The following PPM1L variants were observed in gnomAD, a reference collection of about 807,000 sequenced individuals.
PPM1L encodes the protein protein phosphatase 1L.
In PPM1L, 13 loss-of-function variants were observed where a neutral mutation model predicts 31.4. The ratio of observed to expected loss-of-function variants is 0.41; its 90% CI spans 0.27 to 0.66. The LOEUF (loss-of-function observed/expected upper bound fraction) is 0.66, where lower values mean the gene tolerates loss of function less well. PPM1L is among the 30% of genes least tolerant of loss of function. The pLI is 0.29. For synonymous variants in PPM1L, 184 were observed against 175.4 expected, an observed-to-expected ratio of 1.05 and a Z score of -0.39; for missense variants, 326 against 453.7, an observed-to-expected ratio of 0.72 and a Z score of 2.56.
At chr3:160,785,873 A>C in intron 1 of PPM1L, among the ~76,000 whole-genome samples, 1 of 135,448 alleles carries the variant, frequency 7.4e-6, no homozygotes, top group Admixed American at 7.6e-5. Flanking sequence ...CCACATGTGT[A>C]TATTTTTAGA....
intron 1 of PPM1L, among the ~76,000 whole-genome samples, chr3:160,830,498 T>C (rs1180759988): frequency 6.6e-6 from 1 of 152,208 alleles, no homozygotes; most frequent in East Asian, 1.9e-4. Context: ...CACCGTACCC[T>C]GAAAATTTAG....
At chr3:160,867,043 T>A (rs1303458289) in intron 1 of PPM1L, among the ~76,000 whole-genome samples, 13 of 152,252 alleles carry the variant, frequency 8.5e-5, no homozygotes, top group Non-Finnish European at 1.9e-4. Context: ...TCTCACTATC[T>A]TGCCCAGTCT....
chr3:160,866,880 T>C (rs1712109453), intron 1 of PPM1L, among the ~76,000 whole-genome samples: 1 of 152,216 alleles, frequency 6.6e-6, no homozygotes, highest in African/African-American at 2.4e-5. Context: ...AATCTTGTTC[T>C]GTCGCCTAGG....
At chr3:160,813,163 T>C (rs1712860289) in intron 1 of PPM1L, among the ~76,000 whole-genome samples, 1 of 152,206 alleles carries the variant, frequency 6.6e-6, no homozygotes, top group East Asian at 1.9e-4. Flanking sequence ...AAATTTTATG[T>C]TATTTCTATT....
At chr3:160,823,106 A>G (rs963093359) in intron 1 of PPM1L, among the ~76,000 whole-genome samples, 5 of 152,082 alleles carry the variant, frequency 3.3e-5, no homozygotes, top group Admixed American at 3.3e-4. Flanking sequence ...ATAAATTATT[A>G]TGCATAATTT....
chr3:160,793,399 A>G (rs537878688), intron 1 of PPM1L, among the ~76,000 whole-genome samples: 5 of 152,074 alleles, frequency 3.3e-5, no homozygotes, highest in African/African-American at 1.2e-4. Flanking sequence ...TGTTGGTGAG[A>G]GGGACTTTGA....
intron 2 of PPM1L, among the ~76,000 whole-genome samples, chr3:161,039,755 A>T (rs190555920): frequency 6.6e-6 from 1 of 152,062 alleles, no homozygotes; most frequent in Admixed American, 6.5e-5. Context: ...TGACCTCGTG[A>T]TCCGCCCGCC....
intron 1 of PPM1L, among the ~76,000 whole-genome samples, chr3:160,894,561 G>C (rs4679920): frequency 0.33 from 50,532 of 151,956 alleles, 8,882 homozygotes; most frequent in East Asian, 0.51. Context: ...TGAGTTGTTT[G>C]TTTTTTCAGA....
At chr3:160,771,572 A>ATTTT (rs1715258488) in intron 1 of PPM1L, among the ~76,000 whole-genome samples, 1 of 77,716 alleles carries the variant, frequency 1.3e-5, no homozygotes, top group African/African-American at 7.8e-5. Context: ...TTTTTTTTTA[A>ATTTT]AAAGAGCATA....
chr3:160,786,147 CTCTCTCTCTCTGTG>C (rs1305306302), intron 1 of PPM1L, among the ~76,000 whole-genome samples: 6 of 91,156 alleles, frequency 6.6e-5, no homozygotes, highest in East Asian at 7.5e-4. Flanking sequence ...CTCTCTCTCT[CTCTCTCTCTCTGTG>C]TGTGTGTGTG....
At chr3:160,962,741 A>G (rs937680042) in intron 2 of PPM1L, among the ~76,000 whole-genome samples, 6 of 152,158 alleles carry the variant, frequency 3.9e-5, no homozygotes, top group Non-Finnish European at 5.9e-5. Flanking sequence ...ATCAGAATCT[A>G]TGCATGCTCG....
At chr3:160,983,169 C>A (rs772914789) in intron 2 of PPM1L, among the ~76,000 whole-genome samples, 3 of 152,118 alleles carry the variant, frequency 2.0e-5, no homozygotes, top group Non-Finnish European at 4.4e-5. Flanking sequence ...GTAGGCCTTG[C>A]ATTTTAAAAT....
In PPM1L at chr3:161,072,438, G is replaced by C. The variant is rs1439396006; in HGVS notation, c.*3281G>C. 1 of 152,172 alleles carries C rather than the reference G, an allele frequency of 6.6e-6. No individual in the cohort carries two copies. The highest frequency in any genetic ancestry group is 1.9e-4 in the East Asian group (1 of 5,192). 9.4% of individuals were successfully genotyped at this position (152,172 alleles called of 1,614,324 possible). A position where few individuals can be genotyped will look rare whatever the true frequency, so the allele number is the denominator to read the frequency against. ...GTGTTATAGTGAAGGATGTAAGCTG[G>C]ATAATTTAAAACAGACCTTATTTCA... On this transcript the variant is annotated 3_prime_UTR_variant, in exon 4 of 4. Coordinates refer to ENST00000498165, the MANE Select transcript of PPM1L (RefSeq NM_139245.4).
chr3:161,023,366 G>C (rs1265172038), intron 2 of PPM1L, among the ~76,000 whole-genome samples: 3 of 151,792 alleles, frequency 2.0e-5, no homozygotes, highest in Non-Finnish European at 4.4e-5. Flanking sequence ...TATATATGTT[G>C]TTGCAATTCA....
At chr3:161,046,555 T>C (rs1227353548) in intron 2 of PPM1L, among the ~76,000 whole-genome samples, 5 of 151,980 alleles carry the variant, frequency 3.3e-5, no homozygotes, top group African/African-American at 9.7e-5. Flanking sequence ...TTCCAATCAA[T>C]AGAAAAAGAA....
rs1002633691 is a variant in PPM1L, at chr3:160,945,301, G to A, written c.400-16435G>A. 2.6e-5 allele frequency among the ~76,000 whole-genome samples: 4 copies of A among 151,784 alleles called. No individual in the cohort carries two copies. In the East Asian group the frequency reaches 7.8e-4, roughly 29 times the overall value. On this transcript the variant is annotated intron_variant, in intron 1 of 3. Transcript: ENST00000498165. ...TCAACTCTACCATTATAGTGCAAAA[G>A]CAGCCATAGGCAATATATAAACAAA...
At chr3:160,883,909 TA>T (rs538975925) in intron 1 of PPM1L, among the ~76,000 whole-genome samples, 18 of 147,890 alleles carry the variant, frequency 1.2e-4, no homozygotes, top group African/African-American at 3.0e-4. Flanking sequence ...AATTAAAAAT[TA>T]AAAAAAAAAT....
Position 161,031,472 on chromosome 3 carries a change from G to T in PPM1L, c.575-33931G>T. On this transcript the variant is annotated intron_variant, in intron 2 of 3. Coordinates refer to ENST00000498165, the MANE Select transcript of PPM1L (RefSeq NM_139245.4). ...CTCTGTGACAGAATAGCTCTTCTCT[G>T]ACTTGTGAATGGCAGCTATGTATTC... Among the ~76,000 whole-genome samples, 2 of 147,360 alleles carry T rather than the reference G, an allele frequency of 1.4e-5. 1 individual carries two copies. The highest frequency in any genetic ancestry group is 4.4e-4 in the South Asian group (2 of 4,578).
At chr3:161,042,305 G>A (rs894743697) in intron 2 of PPM1L, among the ~76,000 whole-genome samples, 6 of 152,212 alleles carry the variant, frequency 3.9e-5, no homozygotes, top group Non-Finnish European at 8.8e-5. Flanking sequence ...ATGGCAGAAA[G>A]TGCTTGTTAA....
Sources: allele counts gnomAD v4.1 joint callset (sites outside exome capture counted in the v4.1 genomes callset), GRCh38; gene constraint gnomAD v4.1.1; transcripts MANE v1.5; gene names NCBI Gene and HGNC (gene_info 2026-07-23, HGNC 2026-07-21).